COPS3: variants seen among roughly 807,000 people sequenced by gnomAD.
COPS3 encodes COP9 signalosome complex subunit 3.
A neutral mutation model predicts 58.2 loss-of-function variants in COPS3; 10 were observed. The ratio of observed to expected loss-of-function variants is 0.17; its 90% confidence interval spans 0.11 to 0.29. COPS3 has a LOEUF of 0.29. Ranked by LOEUF, COPS3 falls within the 10% of genes least tolerant of loss-of-function variation. COPS3 has a pLI of 1.00. For missense variants in COPS3, 333 were observed against 510.1 expected (o/e 0.65, Z 3.34); for synonymous variants, 187 against 181.7 (o/e 1.03, Z -0.24).
intron 2 of COPS3, among the ~76,000 whole-genome samples, chr17:17,273,475 TGGCTCACAC>T (rs1453878645): frequency 2.0e-5 from 3 of 152,146 alleles, no homozygotes; most frequent in Admixed American, 6.5e-5. Context: ...CTGGGCACAG[TGGCTCACAC>T]CTGTAATCCT....
intron 5 of COPS3, among the ~76,000 whole-genome samples, chr17:17,266,461 T>C (rs1479160372): frequency 6.6e-6 from 1 of 152,170 alleles, no homozygotes; most frequent in African/African-American, 2.4e-5. Flanking sequence ...CTTCATTATA[T>C]ACCTGCCCTT....
chr17:17,280,039 C>A (rs2048540882), intron 1 of COPS3, among the ~76,000 whole-genome samples: 1 of 151,694 alleles, frequency 6.6e-6, no homozygotes, highest in African/African-American at 2.4e-5. Context: ...CCGAGGTGGG[C>A]GGATCACTTC....
At chr17:17,264,748 C>G in intron 6 of COPS3, 54 bp downstream of exon 6, 1 of 1,519,660 alleles carries the variant, frequency 6.6e-7, no homozygotes, top group Non-Finnish European at 8.9e-7. Flanking sequence ...TATGGGAGCA[C>G]TTTTTTGATC....
chr17:17,250,397 G>A (rs560147451), intron 9 of COPS3, among the ~76,000 whole-genome samples: 36 of 151,928 alleles, frequency 2.4e-4, no homozygotes, highest in Non-Finnish European at 4.3e-4. Context: ...TGGGACTACA[G>A]GTATGTGCCA....
intron 2 of COPS3, among the ~76,000 whole-genome samples, chr17:17,273,007 G>A (rs2048384656): frequency 6.6e-6 from 1 of 152,066 alleles, no homozygotes. Flanking sequence ...TTTTAATTGG[G>A]GTTCCTTGTA....
At chr17:17,262,729 CA>C (rs372609324) in intron 6 of COPS3, among the ~76,000 whole-genome samples, 137 of 146,992 alleles carry the variant, frequency 9.3e-4, no homozygotes, top group Admixed American at 3.5e-3. Context: ...GACTCCGTCT[CA>C]AAAAAAAAAA....
At chr17:17,250,113 G>A (rs554665003) in intron 9 of COPS3, among the ~76,000 whole-genome samples, 95 of 152,054 alleles carry the variant, frequency 6.2e-4, no homozygotes, top group Non-Finnish European at 1.1e-3. Flanking sequence ...TTCTTGTCTC[G>A]TATGGATTTG....
At chr17:17,270,157 C>CA (rs112388445) in intron 4 of COPS3, among the ~76,000 whole-genome samples, 125 of 132,832 alleles carry the variant, frequency 9.4e-4, no homozygotes, top group Non-Finnish European at 8.0e-4. Flanking sequence ...ACTCTGTCTC[C>CA]AAAAAAAAAA....
At chr17:17,270,157 C>CAAAA (rs112388445) in intron 4 of COPS3, among the ~76,000 whole-genome samples, 1 of 133,110 alleles carries the variant, frequency 7.5e-6, no homozygotes, top group Non-Finnish European at 1.6e-5. Flanking sequence ...ACTCTGTCTC[C>CAAAA]AAAAAAAAAA....
At chr17:17,255,909 C>T (rs1380428188) in intron 8 of COPS3, among the ~76,000 whole-genome samples, 1 of 149,620 alleles carries the variant, frequency 6.7e-6, no homozygotes, top group Non-Finnish European at 1.5e-5. Flanking sequence ...GTGGCTCATG[C>T]CTGTAATCTC....
rs1555620157 is a variant in COPS3 at position 17,268,851 on chromosome 17, A to ATAT, written c.349-875_349-874insATA. On this transcript the variant is annotated intron_variant, in intron 4 of 11. Coordinates refer to ENST00000268717, the MANE Select transcript of COPS3 (RefSeq NM_003653.4). Reference sequence around the variant, plus strand: ...CAACAACAACAACAACAACAACAAAAATATATATATATATATGTGAAGAGA... The same window carrying ATAT: ...CAACAACAACAACAACAACAACAAAATATATATATATATATATATGTGAAGAGA... Among the ~76,000 whole-genome samples the ATAT allele has an allele frequency of 6.3e-3, 932 of 149,048 alleles. 4 individuals are homozygous for ATAT. Among genetic ancestry groups the ATAT allele is most frequent in the Middle Eastern group, 0.024 (7 of 290 alleles).
chr17:17,277,715 C>T (rs2048490560), intron 1 of COPS3, among the ~76,000 whole-genome samples: 1 of 152,210 alleles, frequency 6.6e-6, no homozygotes, highest in Non-Finnish European at 1.5e-5. Flanking sequence ...CCACCACACT[C>T]AGCCTGCAAT....
intron 8 of COPS3, among the ~76,000 whole-genome samples, chr17:17,258,368 G>A (rs948052852): frequency 3.3e-5 from 5 of 152,080 alleles, no homozygotes; most frequent in African/African-American, 4.8e-5. Context: ...GTGCAATCTC[G>A]GCTCACTGCA....
intron 4 of COPS3, among the ~76,000 whole-genome samples, chr17:17,269,935 T>C (rs531026742): frequency 2.0e-5 from 3 of 152,246 alleles, no homozygotes; most frequent in South Asian, 2.1e-4. Flanking sequence ...GGCGGGAGGA[T>C]TGCCTGAGCT....
intron 4 of COPS3, among the ~76,000 whole-genome samples, chr17:17,269,845 G>A (rs772514639): frequency 6.6e-6 from 1 of 152,146 alleles, no homozygotes; most frequent in Non-Finnish European, 1.5e-5. Flanking sequence ...CTGTCAATTT[G>A]TTGATGCATT....
At chr17:17,250,097 A>G (rs183773779) in intron 9 of COPS3, among the ~76,000 whole-genome samples, 51 of 152,016 alleles carry the variant, frequency 3.4e-4, no homozygotes, top group Admixed American at 1.5e-3. Flanking sequence ...GGAAACCACC[A>G]ATCTGTTCTT....
intron 6 of COPS3, among the ~76,000 whole-genome samples, chr17:17,264,390 C>T (rs935777087): frequency 6.6e-6 from 1 of 152,042 alleles, no homozygotes; most frequent in Non-Finnish European, 1.5e-5. Flanking sequence ...TCCTTTCTAC[C>T]CTTTAAATTT....
intron 1 of COPS3, among the ~76,000 whole-genome samples, chr17:17,280,240 G>A (rs2048545923): frequency 6.6e-6 from 1 of 152,184 alleles, no homozygotes; most frequent in Non-Finnish European, 1.5e-5. Flanking sequence ...GTGAAACCCT[G>A]TCTCTACTAA....
Position 17,264,951 on chromosome 17 carries a change from C to G in COPS3, c.472G>C (p.Ala158Pro), listed in dbSNP as rs1369962616. The G allele has an allele frequency of 3.1e-6, 5 of 1,612,834 alleles. No homozygotes were observed. The highest frequency in any genetic ancestry group is 3.4e-6 in the Non-Finnish European group (4 of 1,179,812). ...LCLLAKCFKPALPYLDVDMMD... is the reference protein window; with the variant it reads ...LCLLAKCFKPPLPYLDVDMMD... ...ATATCCACGTCAAGATATGGAAGGG[C>G]AGGCTTAAAGCATTTTGCTAGCAAA... The change falls in exon 6 of 12, where the codon GCC becomes CCC. Residue 158 changes from alanine to proline, a missense_variant. Physicochemically the swap from Ala to Pro is conservative, Grantham distance 27. Coordinates refer to ENST00000268717, the MANE Select transcript of COPS3 (RefSeq NM_003653.4).
Sources: gnomAD v4.1 joint callset for allele counts (sites outside exome capture counted in the v4.1 genomes callset) on GRCh38, gnomAD v4.1.1 for gene constraint, MANE v1.5 for transcripts, NCBI Gene and HGNC (gene_info 2026-07-23, HGNC 2026-07-21) for gene names.